Variants in DHRSX observed in about 807,000 individuals in gnomAD.
The protein encoded by DHRSX is dehydrogenase/reductase X-linked, also known as polyprenol dehydrogenase.
In DHRSX, 31 loss-of-function variants were observed where a neutral mutation model predicts 34.0. That is an observed-to-expected ratio of 0.91 (90% CI 0.69 to 1.23). The LOEUF is 1.23. Ranked by LOEUF, DHRSX falls within the 50% of genes most tolerant of loss-of-function variation. The probability of loss-of-function intolerance (pLI) is 0.00; values close to 1 mark genes in which losing one functional copy is unlikely to be tolerated. For synonymous variants in DHRSX, 201 were observed against 183.8 expected (o/e 1.09, Z -0.76); for missense variants, 414 against 428.1 (o/e 0.97, Z 0.29).
intron 1 of DHRSX, among the ~76,000 whole-genome samples, chrX:2,430,258 CAAAA>C (rs5901189): frequency 1.6e-5 from 2 of 123,374 alleles, no homozygotes; most frequent in South Asian, 2.7e-4. Flanking sequence ...GACCCCAGCT[CAAAA>C]AAAAAAAAAA....
chrX:2,306,777 T>C (rs2042102153), intron 3 of DHRSX, among the ~76,000 whole-genome samples: 1 of 152,096 alleles, frequency 6.6e-6, no homozygotes, highest in African/African-American at 2.4e-5. Flanking sequence ...CCTTGTCAGA[T>C]TTTGGTATCA....
At chrX:2,482,581 T>C (rs900341159) in intron 1 of DHRSX, among the ~76,000 whole-genome samples, 1 of 152,206 alleles carries the variant, frequency 6.6e-6, no homozygotes, top group Non-Finnish European at 1.5e-5. Context: ...CATTTTTGTA[T>C]CATGAAACTT....
At chrX:2,271,451 G>C (rs2041553320) in intron 4 of DHRSX, among the ~76,000 whole-genome samples, 1 of 152,216 alleles carries the variant, frequency 6.6e-6, no homozygotes, top group South Asian at 2.1e-4. Flanking sequence ...CTGTTCAGGT[G>C]CAGTCCTTGC....
intron 5 of DHRSX, among the ~76,000 whole-genome samples, chrX:2,245,833 G>GGA (rs2124431410): frequency 6.6e-6 from 1 of 151,018 alleles, no homozygotes; most frequent in East Asian, 2.0e-4. Context: ...ATGGTGGCAT[G>GGA]TGCCTGTAGT....
chrX:2,423,182 G>A (rs1603076742), intron 2 of DHRSX, among the ~76,000 whole-genome samples: 1 of 151,636 alleles, frequency 6.6e-6, no homozygotes, highest in Admixed American at 6.6e-5. Flanking sequence ...GGAGGCGGAG[G>A]TGGGCAGATC....
intron 1 of DHRSX, chrX:2,486,805 A>C (rs1455543903): frequency 6.6e-6 from 1 of 152,248 alleles, no homozygotes; most frequent in Admixed American, 6.5e-5. Flanking sequence ...GGTTACGTGG[A>C]TTTCTCCCGT....
rs904040643 is a variant in DHRSX at position 2,375,563 on chromosome X, TTC to T, written c.286+33180_286+33181del. On this transcript the variant is annotated intron_variant, in intron 3 of 6. Coordinates refer to ENST00000334651, the MANE Select transcript of DHRSX (RefSeq NM_145177.3). ...CCTTGTGTGTTTGTTTCTTGATTTATTCTCTCTTGAGTCAGCAAGAGAACGGC... is the reference window on the plus strand; with the variant it reads ...CCTTGTGTGTTTGTTTCTTGATTTATTCTCTTGAGTCAGCAAGAGAACGGC... Among the ~76,000 whole-genome samples, 9 of 136,802 alleles carry T rather than the reference TTC, an allele frequency of 6.6e-5. 1 individual carries two copies. Among genetic ancestry groups the T allele is most frequent in the Non-Finnish European group, 1.6e-4 (9 of 58,034 alleles). 89.7% of individuals were successfully genotyped at this position (136,802 alleles called of 152,430 possible).
intron 3 of DHRSX, among the ~76,000 whole-genome samples, chrX:2,373,423 C>A (rs1286102449): frequency 6.6e-6 from 1 of 152,156 alleles, no homozygotes; most frequent in African/African-American, 2.4e-5. Context: ...AATTTCAAAA[C>A]CAGCTTTTCC....
At chrX:2,237,787 A>G (rs1475220053) in intron 6 of DHRSX, among the ~76,000 whole-genome samples, 4 of 152,052 alleles carry the variant, frequency 2.6e-5, no homozygotes. Context: ...TACAGGCATG[A>G]GCCACCACTC....
rs775617793 is a variant in DHRSX, at chrX:2,274,019, A to C, written c.389-7072T>G. The stretch of plus-strand genomic sequence containing the variant: ...CGTTAGTGAGCTACTGCGAGTAATT[A>C]CGTTTATTCCTATTTTATTATTATT... On this transcript the variant is annotated intron_variant, in intron 4 of 6. Coordinates refer to ENST00000334651, the MANE Select transcript of DHRSX (RefSeq NM_145177.3). Among the ~76,000 whole-genome samples, 7 of 152,254 alleles carry C rather than the reference A, an allele frequency of 4.6e-5. No individual in the cohort carries two copies. In the East Asian group the frequency reaches 1.4e-3, roughly 29 times the overall value.
intron 3 of DHRSX, among the ~76,000 whole-genome samples, chrX:2,327,196 G>C (rs183939880): frequency 2.0e-5 from 3 of 152,300 alleles, no homozygotes; most frequent in Admixed American, 6.5e-5. Flanking sequence ...TTCCATCAAG[G>C]TTCCAAGCAG....
At chrX:2,496,379 A>G (rs1294214112) in intron 1 of DHRSX, among the ~76,000 whole-genome samples, 1 of 151,948 alleles carries the variant, frequency 6.6e-6, no homozygotes, top group Non-Finnish European at 1.5e-5. Context: ...TTTGTATTTT[A>G]GTAGAGATGG....
At chrX:2,357,400 A>C (rs1161064842) in intron 3 of DHRSX, among the ~76,000 whole-genome samples, 1 of 152,146 alleles carries the variant, frequency 6.6e-6, no homozygotes, top group African/African-American at 2.4e-5. Context: ...CCATTATAAG[A>C]TGTATAGTAA....
chrX:2,349,933 G>A (rs1246616976), intron 3 of DHRSX, among the ~76,000 whole-genome samples: 2 of 151,410 alleles, frequency 1.3e-5, no homozygotes, highest in Admixed American at 1.3e-4. Context: ...CAGCTACTCA[G>A]GAGGCTGAAG....
intron 5 of DHRSX, among the ~76,000 whole-genome samples, chrX:2,253,412 G>A (rs1344385064): frequency 2.6e-5 from 4 of 151,822 alleles, no homozygotes; most frequent in Admixed American, 2.0e-4. Flanking sequence ...AGCCTAGGAG[G>A]CGGACATGGC....
At chrX:2,353,732 C>T (rs1266093772) in intron 3 of DHRSX, among the ~76,000 whole-genome samples, 4 of 147,002 alleles carry the variant, frequency 2.7e-5, no homozygotes, top group African/African-American at 1.0e-4. Flanking sequence ...TACAGGCATG[C>T]ACCACCACAC....
chrX:2,500,657 C>T (rs1224121995), intron 1 of DHRSX, 160 bp downstream of exon 1: 1 of 114,146 alleles, frequency 8.8e-6, no homozygotes, highest in Non-Finnish European at 1.8e-5. Context: ...GCACGCCGCC[C>T]CCCCCCCACC....
intron 1 of DHRSX, chrX:2,488,616 A>G (rs2045014204): frequency 6.4e-7 from 1 of 1,572,332 alleles, no homozygotes; most frequent in East Asian, 2.2e-5. Context: ...GATGACTTGT[A>G]AGACAACACG....
At chrX:2,299,854 CA>C (rs36070145) in intron 3 of DHRSX, among the ~76,000 whole-genome samples, 70,566 of 146,046 alleles carry the variant, frequency 0.48, 20,373 homozygotes, top group African/African-American at 0.8. Context: ...GACTATGTCT[CA>C]AAAAAAAAAA....
Sources: allele counts gnomAD v4.1 joint callset (sites outside exome capture counted in the v4.1 genomes callset), GRCh38; gene constraint gnomAD v4.1.1; transcripts MANE v1.5; gene names NCBI Gene and HGNC (gene_info 2026-07-23, HGNC 2026-07-21).